The following MTHFD2 variants were observed in gnomAD, a reference collection of about 807,000 sequenced individuals.
MTHFD2 encodes methylenetetrahydrofolate dehydrogenase (NADP+ dependent) 2, methenyltetrahydrofolate cyclohydrolase.
In MTHFD2, 26 loss-of-function variants were observed where a neutral mutation model predicts 36.8. The observed-to-expected ratio is 0.71, with a 90% CI of 0.52 to 0.98. MTHFD2 has a LOEUF of 0.98. Among genes scored for constraint, MTHFD2 ranks in the 50% least tolerant of loss-of-function variants. The probability of loss-of-function intolerance (pLI) is 0.00; values close to 1 mark genes in which losing one functional copy is unlikely to be tolerated. For synonymous variants in MTHFD2, 164 were observed against 155.2 expected (o/e 1.06, Z -0.42); for missense variants, 373 against 434.0 (o/e 0.86, Z 1.25).
chr2:74,208,856 C>T (rs1254844708), intron 4 of MTHFD2, 135 bp downstream of exon 4: 1 of 917,726 alleles, frequency 1.1e-6, no homozygotes, highest in African/African-American at 1.7e-5. Context: ...AAGTTTACCT[C>T]TCTTAACAGT....
chr2:74,204,892 C>G (rs1694142942), intron 1 of MTHFD2, among the ~76,000 whole-genome samples: 1 of 152,192 alleles, frequency 6.6e-6, no homozygotes, highest in South Asian at 2.1e-4. Context: ...GTGGCACAAT[C>G]TCAGCTCACC....
chr2:74,206,684 C>T (rs920744506), intron 2 of MTHFD2: 1 of 152,274 alleles, frequency 6.6e-6, no homozygotes, highest in African/African-American at 2.4e-5. Flanking sequence ...CCTTTAGAAA[C>T]CTCTAGATAA....
At chr2:74,201,576 G>T (rs757291585) in intron 1 of MTHFD2, among the ~76,000 whole-genome samples, 1 of 151,486 alleles carries the variant, frequency 6.6e-6, no homozygotes, top group South Asian at 2.1e-4. Flanking sequence ...TGTTGCCCAC[G>T]CTAGTCTTGA....
At chr2:74,202,086 T>C (rs1694054325) in intron 1 of MTHFD2, among the ~76,000 whole-genome samples, 1 of 152,144 alleles carries the variant, frequency 6.6e-6, no homozygotes, top group African/African-American at 2.4e-5. Context: ...TTTATCTGAA[T>C]GTGCTAATAC....
Position 74,208,733 on chromosome 2 carries a change from C to G in MTHFD2, c.562+12C>G. On this transcript the variant is annotated intron_variant, in intron 4 of 7. Transcript: ENST00000394053. ...AATCAAGCGAACTGGTAGGTATATCCCAGAATTGCATGTCTGTGTTAATAT... is the reference window on the plus strand; with the variant it reads ...AATCAAGCGAACTGGTAGGTATATCGCAGAATTGCATGTCTGTGTTAATAT... 4.3e-6 allele frequency: 7 copies of G among 1,612,454 alleles called. No individual in the cohort carries two copies. The highest frequency in any genetic ancestry group is 5.9e-6 in the Non-Finnish European group (7 of 1,179,114).
chr2:74,211,516 T>C (rs1694302794), intron 6 of MTHFD2: 1 of 476,380 alleles, frequency 2.1e-6, no homozygotes, highest in African/African-American at 2.0e-5. Context: ...AAAATATTTA[T>C]ATTAATATTT....
chr2:74,213,745 A>G (rs560238060), intron 7 of MTHFD2, among the ~76,000 whole-genome samples: 1 of 152,158 alleles, frequency 6.6e-6, no homozygotes, highest in Non-Finnish European at 1.5e-5. Flanking sequence ...GACAAATTAT[A>G]CTTAAAATTA....
rs1558855475 is a variant in MTHFD2 at position 74,208,548 on chromosome 2, CTG to C, written c.410-18_410-17del. The C allele has an allele frequency of 6.2e-7, 1 of 1,611,616 alleles. No individual in the cohort carries two copies. The highest frequency in any genetic ancestry group is 8.5e-7 in the Non-Finnish European group (1 of 1,178,352). ...ACTATGCGGTGGTGATTTAAGGCAACTGTGCCAATTTCTTTTTCAGAGCATAT... is the reference window on the plus strand; with the variant it reads ...ACTATGCGGTGGTGATTTAAGGCAACTGCCAATTTCTTTTTCAGAGCATAT... On this transcript the variant is annotated intron_variant, in intron 3 of 7. Transcript: ENST00000394053.
chr2:74,204,131 C>T (rs1694123412), intron 1 of MTHFD2, among the ~76,000 whole-genome samples: 1 of 152,042 alleles, frequency 6.6e-6, no homozygotes, highest in Admixed American at 6.6e-5. Flanking sequence ...CCAGGCTGGT[C>T]TGGAACTCCT....
chr2:74,210,792 T>TG (rs1694286372), intron 5 of MTHFD2, among the ~76,000 whole-genome samples: 1 of 150,382 alleles, frequency 6.6e-6, no homozygotes, highest in South Asian at 2.1e-4. Flanking sequence ...TCAGTTTTTT[T>TG]TTTTTTTTTT....
chr2:74,216,573 A>T lies in MTHFD2; in HGVS notation c.*2331A>T, dbSNP rs1558860087. 1 of 152,214 alleles carries T rather than the reference A, an allele frequency of 6.6e-6. No homozygotes were observed. Among genetic ancestry groups the T allele is most frequent in the African/African-American group, 2.4e-5 (1 of 41,462 alleles). 9.4% of individuals were successfully genotyped at this position (152,214 alleles called of 1,614,324 possible). A position where few individuals can be genotyped will look rare whatever the true frequency, so the allele number is the denominator to read the frequency against. On this transcript the variant is annotated 3_prime_UTR_variant, in exon 8 of 8. Coordinates refer to ENST00000394053, the MANE Select transcript of MTHFD2 (RefSeq NM_006636.4). ...TTAAGGGTGGATTGTTAGCTTCCCC[A>T]GGATTGGTGTGGATGATAAATACTT...
At position 74,205,745 on chromosome 2, in the gene MTHFD2, C is replaced by T. The variant is rs1156948632; in HGVS notation, c.142C>T (p.Gln48Ter). Reference sequence around the variant, plus strand: ...CATTTCTGGAAGGAAACTGGCCCAGCAGATCAAGCAGGAAGTGCGGCAGGA... The same window carrying T: ...CATTTCTGGAAGGAAACTGGCCCAGTAGATCAAGCAGGAAGTGCGGCAGGA... ...VVISGRKLAQ[Q>*]IKQEVRQEVE... is the part of the protein sequence containing the mutation. Residue 48 changes from glutamine (Q) to a stop codon, truncating the protein, a stop_gained, in exon 2 of 8, where the codon CAG becomes TAG. Coordinates refer to ENST00000394053, the MANE Select transcript of MTHFD2 (RefSeq NM_006636.4). LOFTEE classifies it high-confidence loss of function. 5 of 1,613,700 alleles carry T rather than the reference C, an allele frequency of 3.1e-6. No homozygotes were observed. In the East Asian group the frequency reaches 1.1e-4, roughly 36 times the overall value.
intron 2 of MTHFD2, chr2:74,206,314 T>C (rs1407973824): frequency 1.3e-5 from 2 of 154,808 alleles, no homozygotes; most frequent in East Asian, 3.8e-4. Flanking sequence ...AGGAACACAG[T>C]CGTAGATTTG....
Position 74,211,801 on chromosome 2 carries a change from G to T in MTHFD2, c.824G>T (p.Gly275Val). The T allele has an allele frequency of 6.2e-7, 1 of 1,611,926 alleles. No homozygotes were observed. The highest frequency in any genetic ancestry group is 8.5e-7 in the Non-Finnish European group (1 of 1,179,714). ...IKEGAAVIDV[G>V]INRVHDPVTA... is the part of the protein sequence containing the mutation. Reference sequence around the variant, plus strand: ...GAAGGAGCAGCAGTCATTGATGTGGGAATAAATAGAGTTCACGATCCTGTA... The same window carrying T: ...GAAGGAGCAGCAGTCATTGATGTGGTAATAAATAGAGTTCACGATCCTGTA... Residue 275 changes from glycine to valine, a missense_variant, in exon 7 of 8, where the codon GGA becomes GTA. Physicochemically the swap from Gly to Val is moderately radical, Grantham distance 109. Around this residue, in one of 2 missense-constraint regions of MTHFD2, gnomAD observed 308 missense variants for 397.8 expected, o/e 0.77. Coordinates refer to ENST00000394053, the MANE Select transcript of MTHFD2 (RefSeq NM_006636.4).
At chr2:74,200,448 G>A (rs1476651401) in intron 1 of MTHFD2, among the ~76,000 whole-genome samples, 1 of 151,334 alleles carries the variant, frequency 6.6e-6, no homozygotes, top group African/African-American at 2.4e-5. Context: ...CCCACATATT[G>A]CTTTCTTACT....
chr2:74,200,595 C>T (rs1040813789), intron 1 of MTHFD2, among the ~76,000 whole-genome samples: 2 of 150,278 alleles, frequency 1.3e-5, no homozygotes, highest in Admixed American at 1.3e-4. Context: ...GGAACATAAA[C>T]CTATGGTTGG....
intron 3 of MTHFD2, among the ~76,000 whole-genome samples, 184 bp from the exon 4 acceptor site, chr2:74,208,385 A>G (rs1330613166): frequency 6.6e-6 from 1 of 152,238 alleles, no homozygotes; most frequent in Non-Finnish European, 1.5e-5. Flanking sequence ...CAGCTGTGAT[A>G]GACGATATTG....
intron 5 of MTHFD2, among the ~76,000 whole-genome samples, chr2:74,210,372 G>A (rs975483077): frequency 1.3e-5 from 2 of 152,220 alleles, no homozygotes; most frequent in Non-Finnish European, 2.9e-5. Context: ...AAGATACTGT[G>A]TCATTTAGTG....
intron 1 of MTHFD2, among the ~76,000 whole-genome samples, chr2:74,203,856 G>T (rs111549133): frequency 0.38 from 39,467 of 104,868 alleles, 8,069 homozygotes; most frequent in African/African-American, 0.62. Flanking sequence ...GTTTAGTTTA[G>T]TTTAGTTTAG....
Sources: allele counts gnomAD v4.1 joint callset (sites outside exome capture counted in the v4.1 genomes callset), GRCh38; gene constraint gnomAD v4.1.1; regional missense constraint gnomAD v4.1.1; transcripts MANE v1.5; gene names NCBI Gene and HGNC (gene_info 2026-07-23, HGNC 2026-07-21).